The following NEO1 variants were observed in gnomAD, a reference collection of about 807,000 sequenced individuals.
The protein encoded by NEO1 is neogenin.
A neutral mutation model predicts 159.7 loss-of-function variants in NEO1; 63 were observed. That is an observed-to-expected ratio of 0.39 (90% CI 0.32 to 0.49). The LOEUF (loss-of-function observed/expected upper bound fraction) is 0.49. NEO1 is among the 20% of genes least tolerant of loss of function. The pLI is 0.85. For synonymous variants in NEO1, 633 were observed against 662.0 expected (o/e 0.96, Z 0.67); for missense variants, 1,615 against 1,831.0 (o/e 0.88, Z 2.15).
chr15:73,056,776 C>G (rs546384321), intron 1 of NEO1, among the ~76,000 whole-genome samples: 1 of 152,104 alleles, frequency 6.6e-6, no homozygotes, highest in East Asian at 1.9e-4. Context: ...TGGTCATCCT[C>G]CTGGATATGC....
chr15:73,213,421 C>T (rs2037694595), intron 7 of NEO1, among the ~76,000 whole-genome samples: 2 of 152,106 alleles, frequency 1.3e-5, no homozygotes, highest in Non-Finnish European at 2.9e-5. Context: ...CCCTCGCCTC[C>T]CTCCCACCAT....
At chr15:73,065,292 T>C (rs2068160496) in intron 1 of NEO1, among the ~76,000 whole-genome samples, 1 of 152,174 alleles carries the variant, frequency 6.6e-6, no homozygotes, top group South Asian at 2.1e-4. Flanking sequence ...GTTTGTGAGT[T>C]GCTCTTCATT....
chr15:73,228,302 C>T (rs999496642), intron 7 of NEO1, among the ~76,000 whole-genome samples: 4 of 152,022 alleles, frequency 2.6e-5, no homozygotes, highest in East Asian at 1.9e-4. Flanking sequence ...TATCTCATTG[C>T]GCTCTTAATT....
At chr15:73,093,231 A>G (rs2069797183) in intron 1 of NEO1, among the ~76,000 whole-genome samples, 1 of 152,218 alleles carries the variant, frequency 6.6e-6, no homozygotes, top group African/African-American at 2.4e-5. Context: ...ATGTATCACT[A>G]TTAACATTGA....
At chr15:73,126,727 A>G (rs923436192) in intron 4 of NEO1, 157 bp downstream of exon 4, 4 of 560,214 alleles carry the variant, frequency 7.1e-6, no homozygotes, top group Non-Finnish European at 1.2e-5. Context: ...TATGATATAT[A>G]TGATGAGGAT....
intron 7 of NEO1, among the ~76,000 whole-genome samples, chr15:73,197,923 C>T (rs1046541048): frequency 1.3e-5 from 2 of 152,096 alleles, no homozygotes; most frequent in African/African-American, 2.4e-5. Flanking sequence ...TCAAGTGACC[C>T]ACCTGCCTCA....
chr15:73,261,925 GT>G (rs1405267555), intron 15 of NEO1, among the ~76,000 whole-genome samples: 8 of 152,154 alleles, frequency 5.3e-5, no homozygotes, highest in African/African-American at 1.9e-4. Flanking sequence ...AAAGGAAGAT[GT>G]TATACATCAA....
intron 7 of NEO1, among the ~76,000 whole-genome samples, chr15:73,209,392 G>A (rs562195575): frequency 6.6e-6 from 1 of 152,262 alleles, no homozygotes; most frequent in African/African-American, 2.4e-5. Flanking sequence ...ATGATTAATA[G>A]CCTAGTGTTA....
At chr15:73,135,083 C>T in intron 4 of NEO1, among the ~76,000 whole-genome samples, 1 of 152,170 alleles carries the variant, frequency 6.6e-6, no homozygotes, top group East Asian at 1.9e-4. Flanking sequence ...TTAACTGCAT[C>T]TCTTGCCCTA....
At chr15:73,192,200 G>A (rs2036272690) in intron 7 of NEO1, among the ~76,000 whole-genome samples, 1 of 152,000 alleles carries the variant, frequency 6.6e-6, no homozygotes, top group Non-Finnish European at 1.5e-5. Flanking sequence ...TGATATTTAA[G>A]TTGAGACCTG....
intron 7 of NEO1, among the ~76,000 whole-genome samples, chr15:73,217,518 G>T (rs1203811133): frequency 1.3e-5 from 2 of 152,102 alleles, no homozygotes; most frequent in African/African-American, 2.4e-5. Context: ...AATTGCCTTG[G>T]GCAGTATGGC....
At chr15:73,096,879 C>G (rs182500948) in intron 1 of NEO1, among the ~76,000 whole-genome samples, 6 of 152,096 alleles carry the variant, frequency 3.9e-5, no homozygotes, top group Non-Finnish European at 8.8e-5. Context: ...AATTCCAGCA[C>G]TTTGGGAGGC....
chr15:73,166,163 C>G (rs1256927362), intron 5 of NEO1, among the ~76,000 whole-genome samples: 1 of 152,170 alleles, frequency 6.6e-6, no homozygotes, highest in Non-Finnish European at 1.5e-5. Context: ...GATACCACCC[C>G]CATACCTGCT....
intron 27 of NEO1, among the ~76,000 whole-genome samples, chr15:73,299,589 A>C (rs1016423544): frequency 2.6e-5 from 4 of 152,126 alleles, no homozygotes; most frequent in Non-Finnish European, 5.9e-5. Flanking sequence ...GTTTCACCAC[A>C]TTAGCCAGGA....
chr15:73,116,526 C>T lies in NEO1; in HGVS notation c.131-14C>T. On this transcript the variant is annotated splice_polypyrimidine_tract_variant and intron_variant, in intron 1 of 28. Transcript: ENST00000261908. ...AGATTTGCTTAACTTTGTTCTTTTT[C>T]TTTATTTTTGTAGGAGCCAGCATTC... is the stretch of plus-strand genomic sequence containing the variant. 1 of 1,498,952 alleles carries T rather than the reference C, an allele frequency of 6.7e-7. No individual in the cohort carries two copies. Among genetic ancestry groups the T allele is most frequent in the Non-Finnish European group, 8.9e-7 (1 of 1,129,614 alleles). The allele number at this position is 1,498,952 out of a possible 1,614,324, so 92.9% of individuals were successfully genotyped here.
intron 1 of NEO1, among the ~76,000 whole-genome samples, chr15:73,099,031 G>A (rs186815705): frequency 6.6e-6 from 1 of 152,242 alleles, no homozygotes; most frequent in Non-Finnish European, 1.5e-5. Flanking sequence ...TTGCATTCCA[G>A]TTCAGTAATT....
chr15:73,210,486 A>G (rs2037496612), intron 7 of NEO1, among the ~76,000 whole-genome samples: 2 of 152,222 alleles, frequency 1.3e-5, no homozygotes. Flanking sequence ...CATGAATTCA[A>G]AGCCACTGAT....
At chr15:73,130,092 A>G (rs1046268538) in intron 4 of NEO1, among the ~76,000 whole-genome samples, 3 of 152,104 alleles carry the variant, frequency 2.0e-5, no homozygotes, top group Admixed American at 1.3e-4. Context: ...GCCTCCCAGG[A>G]TCAAATGAGT....
At chr15:73,190,197 CA>C (rs201837143) in intron 7 of NEO1, among the ~76,000 whole-genome samples, 1,630 of 152,112 alleles carry the variant, frequency 0.011, 20 homozygotes, top group East Asian at 0.047. Flanking sequence ...ATCTTTTGTC[CA>C]TTAACTTTTT....
Sources: allele counts gnomAD v4.1 joint callset (sites outside exome capture counted in the v4.1 genomes callset), GRCh38; gene constraint gnomAD v4.1.1; transcripts MANE v1.5; gene names NCBI Gene and HGNC (gene_info 2026-07-23, HGNC 2026-07-21).